Variants in FBXL7 observed in about 807,000 individuals in gnomAD.
FBXL7 encodes F-box and leucine rich repeat protein 7.
Under a neutral mutation model 38.3 loss-of-function variants are expected in FBXL7, and 12 were observed. The ratio of observed to expected loss-of-function variants is 0.31; its 90% confidence interval spans 0.20 to 0.51. The LOEUF (loss-of-function observed/expected upper bound fraction) is 0.51, where lower values mean the gene tolerates loss of function less well. FBXL7 is among the 20% of genes least tolerant of loss of function. The probability of loss-of-function intolerance (pLI) is 0.98; values close to 1 mark genes in which losing one functional copy is unlikely to be tolerated. For synonymous variants in FBXL7, 297 were observed against 300.9 expected, an observed-to-expected ratio of 0.99 and a Z score of 0.13; for missense variants, 567 against 676.4, an observed-to-expected ratio of 0.84 and a Z score of 1.79.
chr5:15,535,216 C>T (rs1274939680), intron 1 of FBXL7, among the ~76,000 whole-genome samples: 1 of 151,964 alleles, frequency 6.6e-6, no homozygotes, highest in Non-Finnish European at 1.5e-5. Context: ...TTCTTTATAG[C>T]AGTGAAAAAA....
chr5:15,674,281 A>G (rs897945244), intron 2 of FBXL7, among the ~76,000 whole-genome samples: 3 of 152,330 alleles, frequency 2.0e-5, no homozygotes, highest in Admixed American at 6.5e-5. Context: ...CAGTTTATTT[A>G]GCTGTTGATA....
At chr5:15,693,722 T>A (rs1338846366) in intron 2 of FBXL7, among the ~76,000 whole-genome samples, 1 of 152,126 alleles carries the variant, frequency 6.6e-6, no homozygotes, top group African/African-American at 2.4e-5. Flanking sequence ...CGACAGATGC[T>A]GGAAGGCCAT....
Position 15,616,045 on chromosome 5 carries a change from G to A in FBXL7, c.100G>A (p.Ala34Thr), listed in dbSNP as rs369736827. 10 of 1,613,370 alleles carry A rather than the reference G, an allele frequency of 6.2e-6. No homozygotes were observed. Among genetic ancestry groups the A allele is most frequent in the Non-Finnish European group, 8.5e-6 (10 of 1,179,518 alleles). Residue 34 changes from alanine to threonine, a missense_variant, in exon 2 of 4, where the codon GCC becomes ACC. Ala to Thr is a moderately conservative substitution (Grantham distance 58, BLOSUM62 0). Transcript: ENST00000504595. ...SSSTDHTPTK[A>T]QKNVATSEDS... is the part of the protein sequence containing the mutation. ...AAGTACAGATCACACGCCCACTAAAGCCCAGAAGAATGTGGCTACCAGCGA... is the reference window on the plus strand; with the variant it reads ...AAGTACAGATCACACGCCCACTAAAACCCAGAAGAATGTGGCTACCAGCGA...
intron 1 of FBXL7, among the ~76,000 whole-genome samples, chr5:15,534,440 C>T (rs906612481): frequency 2.6e-5 from 4 of 152,104 alleles, no homozygotes; most frequent in African/African-American, 9.7e-5. Flanking sequence ...AGATTGGCTT[C>T]TTTCACTTAA....
rs1287172564 is a variant in FBXL7 at position 15,642,198 on chromosome 5, C to T, written c.127+26126C>T. On this transcript the variant is annotated intron_variant, in intron 2 of 3. Coordinates refer to ENST00000504595, the MANE Select transcript of FBXL7 (RefSeq NM_012304.5). Reference sequence around the variant, plus strand: ...TCCTTGATCTGGTGATCTCTTTCCACTCCTCCCTCTGCTATTATGTGCTTA... The same window carrying T: ...TCCTTGATCTGGTGATCTCTTTCCATTCCTCCCTCTGCTATTATGTGCTTA... Among the ~76,000 whole-genome samples, 4 of 152,268 alleles carry T rather than the reference C, an allele frequency of 2.6e-5. No individual in the cohort carries two copies. In the South Asian group the frequency reaches 8.3e-4, roughly 32 times the overall value.
chr5:15,879,653 C>A (rs1740358325), intron 2 of FBXL7, among the ~76,000 whole-genome samples: 1 of 152,158 alleles, frequency 6.6e-6, no homozygotes, highest in South Asian at 2.1e-4. Context: ...CCTACAAGCC[C>A]ATGACACTTA....
intron 1 of FBXL7, among the ~76,000 whole-genome samples, chr5:15,549,783 A>T (rs529870958): frequency 6.6e-6 from 1 of 152,206 alleles, no homozygotes; most frequent in Non-Finnish European, 1.5e-5. Flanking sequence ...TTTTTGCATG[A>T]TGCCACTCTA....
intron 2 of FBXL7, among the ~76,000 whole-genome samples, chr5:15,758,111 C>T (rs1736346320): frequency 6.6e-6 from 1 of 151,976 alleles, no homozygotes; most frequent in Non-Finnish European, 1.5e-5. Flanking sequence ...TCCAGGGTGT[C>T]CCATTTTTCC....
At chr5:15,761,533 T>C (rs1235474822) in intron 2 of FBXL7, among the ~76,000 whole-genome samples, 2 of 152,178 alleles carry the variant, frequency 1.3e-5, no homozygotes, top group African/African-American at 4.8e-5. Context: ...TCAATCCTAG[T>C]TGTAAATTAT....
chr5:15,740,965 A>C (rs1217784208), intron 2 of FBXL7, among the ~76,000 whole-genome samples: 1 of 152,172 alleles, frequency 6.6e-6, no homozygotes, highest in Non-Finnish European at 1.5e-5. Flanking sequence ...GCTTAGGACA[A>C]CCATACATTT....
chr5:15,840,759 A>G (rs1034119977), intron 2 of FBXL7, among the ~76,000 whole-genome samples: 1 of 151,404 alleles, frequency 6.6e-6, no homozygotes, highest in Non-Finnish European at 1.5e-5. Flanking sequence ...AGGCAGGAGA[A>G]TCGCTTGAAC....
intron 2 of FBXL7, among the ~76,000 whole-genome samples, chr5:15,623,861 G>A (rs1740726317): frequency 6.6e-6 from 1 of 152,108 alleles, no homozygotes; most frequent in African/African-American, 2.4e-5. Flanking sequence ...TCATTTTGCA[G>A]ATGAAACAGG....
At chr5:15,651,085 CTTCTTTTTTTTT>C (rs1388388401) in intron 2 of FBXL7, among the ~76,000 whole-genome samples, 8 of 148,126 alleles carry the variant, frequency 5.4e-5, no homozygotes, top group Admixed American at 2.0e-4. Context: ...ACAAAACATA[CTTCTTTTTTTTT>C]TTCTTTTTTT....
intron 2 of FBXL7, among the ~76,000 whole-genome samples, chr5:15,723,281 C>T (rs530453992): frequency 3.3e-5 from 5 of 152,268 alleles, no homozygotes; most frequent in African/African-American, 9.6e-5. Context: ...TTAGTAATTA[C>T]TGTACTTTGT....
At chr5:15,888,478 C>CTCAG (rs1160535716) in intron 2 of FBXL7, among the ~76,000 whole-genome samples, 2 of 152,104 alleles carry the variant, frequency 1.3e-5, no homozygotes, top group Admixed American at 1.3e-4. Flanking sequence ...ATCTGCCGAC[C>CTCAG]TCAGCCTCCC....
chr5:15,809,370 C>T (rs1039148811), intron 2 of FBXL7, among the ~76,000 whole-genome samples: 1 of 152,112 alleles, frequency 6.6e-6, no homozygotes, highest in African/African-American at 2.4e-5. Flanking sequence ...ACCCAACAGA[C>T]CTGGATTGAA....
chr5:15,691,236 A>G (rs1304092670), intron 2 of FBXL7, among the ~76,000 whole-genome samples: 1 of 152,170 alleles, frequency 6.6e-6, no homozygotes, highest in Non-Finnish European at 1.5e-5. Context: ...TCAGGACATC[A>G]CATAGCAGAC....
At chr5:15,934,734 G>A (rs1231247245) in intron 3 of FBXL7, among the ~76,000 whole-genome samples, 1 of 152,114 alleles carries the variant, frequency 6.6e-6, no homozygotes, top group Non-Finnish European at 1.5e-5. Flanking sequence ...GAAGACTGTT[G>A]GAAGTTGGAT....
At position 15,872,392 on chromosome 5, in the gene FBXL7, G is replaced by T. The variant is rs184728329; in HGVS notation, c.128-55498G>T. ...CTAGCCAGCTAGCATCATAATGACAGGATCAAGTTCACACATAACAATAAC... is the reference window on the plus strand; with the variant it reads ...CTAGCCAGCTAGCATCATAATGACATGATCAAGTTCACACATAACAATAAC... On this transcript the variant is annotated intron_variant, in intron 2 of 3. Transcript: ENST00000504595. 9.2e-5 allele frequency among the ~76,000 whole-genome samples: 14 copies of T among 152,184 alleles called. No homozygotes were observed. In the East Asian group the frequency reaches 2.7e-3, roughly 29 times the overall value.
Sources: gnomAD v4.1 joint callset for allele counts (sites outside exome capture counted in the v4.1 genomes callset) on GRCh38, gnomAD v4.1.1 for gene constraint, MANE v1.5 for transcripts, NCBI Gene and HGNC (gene_info 2026-07-23, HGNC 2026-07-21) for gene names.